The following XPO4 variants were observed in gnomAD, a reference collection of about 807,000 sequenced individuals.
XPO4 encodes exportin 4.
A neutral mutation model predicts 143.0 loss-of-function variants in XPO4; 39 were observed. That is an observed-to-expected ratio of 0.27 (90% CI 0.21 to 0.36). XPO4 has a LOEUF of 0.36. XPO4 is among the 10% of genes least tolerant of loss of function. The pLI, the probability that XPO4 is intolerant of heterozygous loss-of-function variation, is 1.00. For missense variants in XPO4, 907 were observed against 1,348.0 expected (o/e 0.67, Z 5.12); for synonymous variants, 439 against 474.0 (o/e 0.93, Z 0.96).
intron 9 of XPO4, among the ~76,000 whole-genome samples, chr13:20,811,446 C>T (rs966767587): frequency 5.3e-5 from 8 of 151,926 alleles, no homozygotes; most frequent in African/African-American, 1.9e-4. Context: ...CACCATCATG[C>T]CCAGCTAATG....
At chr13:20,842,439 T>C (rs1391395091) in intron 6 of XPO4, among the ~76,000 whole-genome samples, 6 of 152,204 alleles carry the variant, frequency 3.9e-5, no homozygotes, top group African/African-American at 1.4e-4. Context: ...AGAGTAAACA[T>C]ATTACTAACT....
At chr13:20,843,978 C>T (rs2060005343) in intron 4 of XPO4, 92 bp from the exon 5 acceptor site, 3 of 944,274 alleles carry the variant, frequency 3.2e-6, no homozygotes, top group East Asian at 4.9e-5. Context: ...AACATTTTCT[C>T]CCTAACTTTA....
At chr13:20,875,422 T>A (rs145907976) in intron 1 of XPO4, among the ~76,000 whole-genome samples, 31 of 152,322 alleles carry the variant, frequency 2.0e-4, no homozygotes, top group African/African-American at 7.0e-4. Flanking sequence ...CCTTTCAAAT[T>A]TGAAAGATGT....
chr13:20,834,655 A>AC (rs1233433500), intron 6 of XPO4, among the ~76,000 whole-genome samples: 1 of 151,914 alleles, frequency 6.6e-6, no homozygotes, highest in Admixed American at 6.6e-5. Context: ...TAAAAAAAAA[A>AC]AACCTTTAAT....
intron 9 of XPO4, among the ~76,000 whole-genome samples, chr13:20,816,557 T>A (rs959739151): frequency 1.3e-5 from 2 of 152,254 alleles, no homozygotes; most frequent in Admixed American, 6.5e-5. Flanking sequence ...AGTAGACAAG[T>A]ATTGCAGCTG....
At chr13:20,833,993 C>A (rs1053212024) in intron 6 of XPO4, among the ~76,000 whole-genome samples, 6 of 152,120 alleles carry the variant, frequency 3.9e-5, no homozygotes, top group Non-Finnish European at 8.8e-5. Context: ...TGATCTAAAA[C>A]AGAATGAGAA....
rs2059265452 is a variant in XPO4, at chr13:20,790,404, G to C, written c.2916+58C>G. On this transcript the variant is annotated intron_variant, in intron 19 of 22. Transcript: ENST00000255305. ...AATCACAGATATATTCTTGTCTAAA[G>C]TATCTTTGAACTTCAGTTACACATA... is the stretch of plus-strand genomic sequence containing the variant. The C allele has an allele frequency of 4.7e-6, 6 of 1,290,028 alleles. No individual in the cohort carries two copies. In the South Asian group the frequency reaches 5.9e-5, roughly 13 times the overall value. The allele number at this position is 1,290,028 out of a possible 1,614,324, so 79.9% of individuals were successfully genotyped here.
At chr13:20,846,201 T>C (rs1249900996) in intron 4 of XPO4, among the ~76,000 whole-genome samples, 1 of 152,222 alleles carries the variant, frequency 6.6e-6, no homozygotes, top group African/African-American at 2.4e-5. Context: ...ATGGCTTATT[T>C]TAAAACTATC....
chr13:20,785,820 A>AAGG (rs1373778799), intron 22 of XPO4, among the ~76,000 whole-genome samples: 63 of 143,034 alleles, frequency 4.4e-4, no homozygotes, highest in African/African-American at 1.3e-3. Context: ...AGGAAGGAAG[A>AAGG]AAGGAAGGGA....
intron 1 of XPO4, among the ~76,000 whole-genome samples, chr13:20,873,072 T>G (rs1236921992): frequency 7.3e-6 from 1 of 137,286 alleles, no homozygotes; most frequent in Admixed American, 8.0e-5. Context: ...GAGGTGGTAG[T>G]AGAGACCCGT....
rs898153603 is a variant in XPO4 at position 20,808,350 on chromosome 13, A to T, written c.1639+86T>A. Reference sequence around the variant, plus strand: ...AAATTTTATCCAATATTATATATACACTATTGTTTTTCATATAGGAAGCTT... The same window carrying T: ...AAATTTTATCCAATATTATATATACTCTATTGTTTTTCATATAGGAAGCTT... On this transcript the variant is annotated intron_variant, in intron 12 of 22. Transcript: ENST00000255305. The T allele has an allele frequency of 2.2e-6, 3 of 1,337,948 alleles. No individual in the cohort carries two copies. In the East Asian group the frequency reaches 7.1e-5, roughly 32 times the overall value. The allele number at this position is 1,337,948 out of a possible 1,614,324, so 82.9% of individuals were successfully genotyped here. A position where few individuals can be genotyped will look rare whatever the true frequency, so the allele number is the denominator to read the frequency against.
intron 4 of XPO4, among the ~76,000 whole-genome samples, chr13:20,854,525 T>A (rs900605185): frequency 1.3e-5 from 2 of 152,124 alleles, no homozygotes; most frequent in Non-Finnish European, 2.9e-5. Flanking sequence ...CACATAGATA[T>A]CTTTAAAATG....
chr13:20,895,336 A>G (rs1295101781), intron 1 of XPO4, among the ~76,000 whole-genome samples: 2 of 152,172 alleles, frequency 1.3e-5, no homozygotes, highest in African/African-American at 4.8e-5. Context: ...AGCCATTCTT[A>G]GAAGTTTAGT....
rs2060500463 is a variant in XPO4 at position 20,890,391 on chromosome 13, A to T, written c.69+12279T>A. 2.0e-5 allele frequency among the ~76,000 whole-genome samples: 3 copies of T among 151,920 alleles called. No individual in the cohort carries two copies. In the South Asian group the frequency reaches 6.2e-4, roughly 32 times the overall value. The stretch of plus-strand genomic sequence containing the variant: ...CTTGAGCCCAGGAGGTGGAGGTTGC[A>T]GTGAGCTGCTATTGTGCTGCTGTAC... On this transcript the variant is annotated intron_variant, in intron 1 of 22. Transcript: ENST00000255305.
intron 9 of XPO4, among the ~76,000 whole-genome samples, chr13:20,815,526 A>T (rs1177767949): frequency 2.0e-5 from 3 of 152,182 alleles, no homozygotes; most frequent in Non-Finnish European, 4.4e-5. Context: ...AGGTACTGTA[A>T]AAATATGAGC....
chr13:20,892,125 A>C (rs1396909098), intron 1 of XPO4, among the ~76,000 whole-genome samples: 1 of 151,620 alleles, frequency 6.6e-6, no homozygotes, highest in Non-Finnish European at 1.5e-5. Context: ...ACAGTGGTGC[A>C]ATCTCACTGC....
chr13:20,870,142 A>G (rs2060282169), intron 1 of XPO4, among the ~76,000 whole-genome samples: 1 of 151,418 alleles, frequency 6.6e-6, no homozygotes, highest in Non-Finnish European at 1.5e-5. Flanking sequence ...TTCTTTAAAA[A>G]GAATTTTGAG....
chr13:20,822,044 G>GA (rs1209650285), intron 8 of XPO4, 88 bp downstream of exon 8: 54 of 1,464,948 alleles, frequency 3.7e-5, no homozygotes, highest in Non-Finnish European at 4.5e-5. Context: ...ATATAAGGGG[G>GA]AAAAAATAAC....
chr13:20,881,233 C>T (rs1595158332), intron 1 of XPO4, among the ~76,000 whole-genome samples: 1 of 151,840 alleles, frequency 6.6e-6, no homozygotes, highest in East Asian at 1.9e-4. Context: ...GATAGTTACA[C>T]AACAATATGA....
Sources: allele counts gnomAD v4.1 joint callset (sites outside exome capture counted in the v4.1 genomes callset), GRCh38; gene constraint gnomAD v4.1.1; transcripts MANE v1.5; gene names NCBI Gene and HGNC (gene_info 2026-07-23, HGNC 2026-07-21).